The following PCDHA6 variants were observed in gnomAD, a reference collection of about 807,000 sequenced individuals.
PCDHA6 encodes the protein protocadherin alpha-6.
In PCDHA6, 55 loss-of-function variants were observed where a neutral mutation model predicts 60.3. The observed-to-expected ratio is 0.91, with a 90% CI of 0.73 to 1.14. The LOEUF is 1.14. PCDHA6 is among the 50% of genes most tolerant of loss of function. The pLI, the probability that PCDHA6 is intolerant of heterozygous loss-of-function variation, is 0.00. For missense variants in PCDHA6, 1,327 were observed against 1,256.5 expected (o/e 1.06, Z -0.85); for synonymous variants, 652 against 557.9 (o/e 1.17, Z -2.38).
At chr5:140,949,682 A>T (rs1229666281) in intron 1 of PCDHA6, among the ~76,000 whole-genome samples, 3 of 151,768 alleles carry the variant, frequency 2.0e-5, no homozygotes, top group Non-Finnish European at 4.4e-5. Context: ...CCCTTGTTGA[A>T]GCGTATTGTT....
chr5:140,961,236 T>G (rs246004), intron 1 of PCDHA6, among the ~76,000 whole-genome samples: 1 of 151,942 alleles, frequency 6.6e-6, no homozygotes, highest in African/African-American at 2.4e-5. Context: ...AAAAAGGTGA[T>G]GGAATTTATC....
At chr5:140,872,054 C>T (rs970445290) in intron 1 of PCDHA6, among the ~76,000 whole-genome samples, 2 of 152,238 alleles carry the variant, frequency 1.3e-5, no homozygotes, top group East Asian at 3.8e-4. Flanking sequence ...CCCACTTCAG[C>T]CTCCAGAGTA....
At chr5:140,956,356 T>C (rs1283114496) in intron 1 of PCDHA6, among the ~76,000 whole-genome samples, 3 of 152,218 alleles carry the variant, frequency 2.0e-5, no homozygotes, top group Non-Finnish European at 4.4e-5. Flanking sequence ...ATTTTTAACA[T>C]GAAGGGATGT....
chr5:140,897,178 CA>C (rs1414076017), intron 1 of PCDHA6, among the ~76,000 whole-genome samples: 4 of 151,978 alleles, frequency 2.6e-5, no homozygotes, highest in South Asian at 2.1e-4. Context: ...TCCATGGGTT[CA>C]AAAAATATAT....
intron 1 of PCDHA6, chr5:140,927,331 A>T: frequency 6.2e-7 from 1 of 1,614,134 alleles, no homozygotes; most frequent in Non-Finnish European, 8.5e-7. Flanking sequence ...TACTCTCCCG[A>T]ATGCCCAAGA....
chr5:140,830,272 C>G lies in PCDHA6; in HGVS notation c.2181C>G (p.Pro727=). 1 of 1,613,840 alleles carries G rather than the reference C, an allele frequency of 6.2e-7. No individual in the cohort carries two copies. The highest frequency in any genetic ancestry group is 8.5e-7 in the Non-Finnish European group (1 of 1,179,868). The part of the protein sequence containing the change: ...LYTALRCSAP[P]TEGACTADKP... ...CAGCGCTGCGGTGCTCGGCGCCACCCACCGAGGGCGCGTGCACGGCGGACA... is the reference window on the plus strand; with the variant it reads ...CAGCGCTGCGGTGCTCGGCGCCACCGACCGAGGGCGCGTGCACGGCGGACA... Residue 727 remains proline (P), a synonymous_variant, in exon 1 of 4, where the codon CCC becomes CCG. Coordinates refer to ENST00000529310, the MANE Select transcript of PCDHA6 (RefSeq NM_018909.4).
rs144442302 is a variant in PCDHA6, at chr5:140,850,848, C to A, written c.2394+20363C>A. On this transcript the variant is annotated intron_variant, in intron 1 of 3. Coordinates refer to ENST00000529310, the MANE Select transcript of PCDHA6 (RefSeq NM_018909.4). ...TTCTCCTTGTGCTGGATCTACAGAG[C>A]GAACGGGAGAACCCTCTGCTTCCTC... is the stretch of plus-strand genomic sequence containing the variant. The A allele has an allele frequency of 1.4e-5, 23 of 1,596,174 alleles. 3 individuals are homozygous for A. In the Middle Eastern group the frequency reaches 5.0e-4, roughly 35 times the overall value.
intron 1 of PCDHA6, chr5:140,836,629 C>CGA: frequency 4.3e-6 from 7 of 1,613,468 alleles, no homozygotes; most frequent in Non-Finnish European, 5.9e-6. Flanking sequence ...GGGAGCTGGT[C>CGA]ATTCTCCCAG....
chr5:140,955,889 GT>G (rs1305358742), intron 1 of PCDHA6, among the ~76,000 whole-genome samples: 2 of 151,880 alleles, frequency 1.3e-5, no homozygotes, highest in Non-Finnish European at 2.9e-5. Flanking sequence ...ATTCCTAGGT[GT>G]TTTATTCTCT....
intron 1 of PCDHA6, chr5:140,877,670 C>T: frequency 6.8e-6 from 11 of 1,613,654 alleles, no homozygotes; most frequent in Non-Finnish European, 7.6e-6. Flanking sequence ...AGCCGGTGCG[C>T]GCCGGGCAAG....
chr5:140,882,745 T>C (rs782756975), intron 1 of PCDHA6: 1 of 1,614,124 alleles, frequency 6.2e-7, no homozygotes, highest in Non-Finnish European at 8.5e-7. Flanking sequence ...GCGCATCCGA[T>C]GCAGATATTG....
chr5:140,995,788 T>C (rs1327222255), intron 3 of PCDHA6, among the ~76,000 whole-genome samples: 1 of 152,154 alleles, frequency 6.6e-6, no homozygotes, highest in Non-Finnish European at 1.5e-5. Context: ...GGTTTAAAAT[T>C]TGTCTCATGT....
intron 3 of PCDHA6, among the ~76,000 whole-genome samples, chr5:141,004,025 A>G (rs191768123): frequency 1.3e-5 from 2 of 152,316 alleles, no homozygotes; most frequent in Non-Finnish European, 2.9e-5. Context: ...AAGAAGAAAC[A>G]TTTCCTTGAT....
At chr5:140,868,922 C>A in intron 1 of PCDHA6, 2 of 1,015,106 alleles carry the variant, frequency 2.0e-6, no homozygotes, top group Non-Finnish European at 2.8e-6. Flanking sequence ...GTGGAAAGTT[C>A]ATTTAAAGGT....
At chr5:140,990,273 G>A (rs2097384089) in intron 3 of PCDHA6, among the ~76,000 whole-genome samples, 2 of 152,100 alleles carry the variant, frequency 1.3e-5, no homozygotes, top group African/African-American at 4.8e-5. Flanking sequence ...AATGTACCCC[G>A]GGTCTTGAGA....
At chr5:140,930,168 C>T (rs2086634095) in intron 1 of PCDHA6, 1 of 152,048 alleles carries the variant, frequency 6.6e-6, no homozygotes, top group Non-Finnish European at 1.5e-5. Context: ...TAATATTTTA[C>T]AAAGAGGAAA....
At position 140,828,113 on chromosome 5, in the gene PCDHA6, A is replaced by G. The variant is rs1769535465; in HGVS notation, c.22A>G (p.Arg8Gly). ...TGACATGGTGTTTACCCCGGAGGAT[A>G]GATTGGGAAAGCAATGTCTGCTCCT... MVFTPEDRLGKQCLLLPL... is the reference protein window; with the variant it reads MVFTPEDGLGKQCLLLPL... The change falls in exon 1 of 4, where the codon AGA becomes GGA. Residue 8 changes from arginine (R) to glycine (G), a missense_variant. By Grantham distance (125) the Arg-to-Gly change is moderately radical. Coordinates refer to ENST00000529310, the MANE Select transcript of PCDHA6 (RefSeq NM_018909.4). The G allele has an allele frequency of 6.2e-7, 1 of 1,611,760 alleles. No homozygotes were observed. Among genetic ancestry groups the G allele is most frequent in the Non-Finnish European group, 8.5e-7 (1 of 1,178,626 alleles).
chr5:140,849,597 G>T lies in PCDHA6; in HGVS notation c.2394+19112G>T, dbSNP rs2150442042. 77 of 1,598,656 alleles carry T rather than the reference G, an allele frequency of 4.8e-5. 9 individuals carry two copies. Among genetic ancestry groups the T allele is most frequent in the Admixed American group, 4.4e-4 (26 of 59,274 alleles). On this transcript the variant is annotated intron_variant, in intron 1 of 3. Transcript: ENST00000529310. ...AAAAGAGGACGCACAACTGGGGACA[G>T]TTATTGCCCTGATTAGTGTGATCGA...
At chr5:140,900,956 C>G (rs2068392622) in intron 1 of PCDHA6, among the ~76,000 whole-genome samples, 1 of 152,160 alleles carries the variant, frequency 6.6e-6, no homozygotes, top group African/African-American at 2.4e-5. Flanking sequence ...CTCTGATTAT[C>G]AGTGATGTTG....
Sources: gnomAD v4.1 joint callset for allele counts (sites outside exome capture counted in the v4.1 genomes callset) on GRCh38, gnomAD v4.1.1 for gene constraint, MANE v1.5 for transcripts, NCBI Gene and HGNC (gene_info 2026-07-23, HGNC 2026-07-21) for gene names.